Variants in KIF13A observed in about 807,000 individuals in gnomAD.
KIF13A encodes the protein kinesin-like protein KIF13A.
KIF13A carries 79 observed loss-of-function variants against 212.2 expected under a neutral mutation model. The ratio of observed to expected loss-of-function variants is 0.37; its 90% CI spans 0.31 to 0.45. KIF13A has a LOEUF of 0.45. Among genes scored for constraint, KIF13A ranks in the 20% least tolerant of loss-of-function variants. The probability of loss-of-function intolerance (pLI) is 1.00; values close to 1 mark genes in which losing one functional copy is unlikely to be tolerated. For synonymous variants in KIF13A, 789 were observed against 808.6 expected (o/e 0.98, Z 0.41); for missense variants, 1,901 against 2,209.0 (o/e 0.86, Z 2.79).
At chr6:17,976,432 G>A (rs577780497) in intron 2 of KIF13A, among the ~76,000 whole-genome samples, 1 of 152,360 alleles carries the variant, frequency 6.6e-6, no homozygotes, top group East Asian at 1.9e-4. Flanking sequence ...TGGCCCGGGT[G>A]CTAAGCCCTT....
At position 17,986,768 on chromosome 6, in the gene KIF13A, T is replaced by TG. The variant is rs1781592172; in HGVS notation, c.146+285dup. Among the ~76,000 whole-genome samples the TG allele has an allele frequency of 2.0e-5, 3 of 152,230 alleles. No homozygotes were observed. In the South Asian group the frequency reaches 6.2e-4, roughly 31 times the overall value. On this transcript the variant is annotated intron_variant, in intron 2 of 38. Transcript: ENST00000259711. ...ATGTGGCCGCTGGACGAATCACCTA[T>TG]GGGGTCCCATCCGGCCCTCTCCCTC...
intron 3 of KIF13A, among the ~76,000 whole-genome samples, chr6:17,873,891 C>T (rs563467275): frequency 1.1e-4 from 17 of 152,160 alleles, no homozygotes; most frequent in African/African-American, 3.1e-4. Flanking sequence ...CGCGCCTGGC[C>T]CTATGATATT....
intron 2 of KIF13A, among the ~76,000 whole-genome samples, chr6:17,965,128 C>A (rs1779186905): frequency 1.3e-5 from 2 of 152,162 alleles, no homozygotes; most frequent in Non-Finnish European, 2.9e-5. Context: ...TGCACCGGGC[C>A]AGGATTTTAA....
chr6:17,930,418 G>A (rs929365618), intron 2 of KIF13A, among the ~76,000 whole-genome samples: 2 of 152,054 alleles, frequency 1.3e-5, no homozygotes, highest in East Asian at 1.9e-4. Context: ...TTAAAATAAC[G>A]GATTCATGCA....
chr6:17,878,790 C>T (rs942283560), intron 3 of KIF13A, among the ~76,000 whole-genome samples: 3 of 152,114 alleles, frequency 2.0e-5, no homozygotes, highest in Non-Finnish European at 4.4e-5. Flanking sequence ...GGCACGAGAC[C>T]ATTTTCATTT....
rs756829082 is a variant in KIF13A at position 17,799,945 on chromosome 6, C to T, written c.2616+7G>A. ...TTTATATGAGCCTCCCATCACTGTCCTCTCACCCGACATGTCAGCTTTTTG... is the reference window on the plus strand; with the variant it reads ...TTTATATGAGCCTCCCATCACTGTCTTCTCACCCGACATGTCAGCTTTTTG... On this transcript the variant is annotated splice_region_variant and intron_variant, in intron 21 of 38. Transcript: ENST00000259711. This position sits in a 1 kb window ranked among gnomAD's most constrained non-coding sequence, Gnocchi z 4.4. The T allele has an allele frequency of 7.7e-5, 124 of 1,613,158 alleles. No homozygotes were observed. The highest frequency in any genetic ancestry group is 9.7e-5 in the Non-Finnish European group (114 of 1,179,508).
chr6:17,965,798 C>G (rs961186943), intron 2 of KIF13A, among the ~76,000 whole-genome samples: 1 of 152,198 alleles, frequency 6.6e-6, no homozygotes, highest in African/African-American at 2.4e-5. Context: ...TAACCACAAA[C>G]TCATCAAATT....
In KIF13A at chr6:17,895,157, C is replaced by T. The variant is rs1772448608; in HGVS notation, c.159+3011G>A. ...ATGCCACTTTCTATAGCTTCTAGTT[C>T]TCTCCAACATTTTTCAATCTTATGT... On this transcript the variant is annotated intron_variant, in intron 3 of 38. Coordinates refer to ENST00000259711, the MANE Select transcript of KIF13A (RefSeq NM_022113.6). This position sits in a 1 kb window ranked among gnomAD's most constrained non-coding sequence, Gnocchi z 4.4. Among the ~76,000 whole-genome samples, 1 of 152,154 alleles carries T rather than the reference C, an allele frequency of 6.6e-6. No homozygotes were observed. The highest frequency in any genetic ancestry group is 6.5e-5 in the Admixed American group (1 of 15,274).
chr6:17,945,422 T>G (rs925253337), intron 2 of KIF13A, among the ~76,000 whole-genome samples: 1 of 152,142 alleles, frequency 6.6e-6, no homozygotes, highest in Non-Finnish European at 1.5e-5. Context: ...TTTTTTGATC[T>G]AGGTCCGGAG....
At chr6:17,842,103 C>A (rs1425717272) in intron 9 of KIF13A, among the ~76,000 whole-genome samples, 2 of 151,658 alleles carry the variant, frequency 1.3e-5, no homozygotes, top group African/African-American at 4.9e-5. Flanking sequence ...GGCTGGAGAG[C>A]AGTGGTACAA....
In KIF13A at chr6:17,899,465, G is replaced by T. The variant is rs1014534; in HGVS notation, c.147-1285C>A. On this transcript the variant is annotated intron_variant, in intron 2 of 38. Transcript: ENST00000259711. This position sits in a 1 kb window ranked among gnomAD's most constrained non-coding sequence, Gnocchi z 5.2. ...ATGCTTTTTCTCCATCACTGGGTGC[G>T]ACACTCCTTACAGAGCTCTGAGGGA... Among the ~76,000 whole-genome samples the T allele has an allele frequency of 6.6e-6, 1 of 152,002 alleles. No individual in the cohort carries two copies. Among genetic ancestry groups the T allele is most frequent in the South Asian group, 2.1e-4 (1 of 4,828 alleles).
intron 25 of KIF13A, among the ~76,000 whole-genome samples, chr6:17,792,855 A>G (rs1405639314): frequency 6.6e-6 from 1 of 152,226 alleles, no homozygotes; most frequent in Admixed American, 6.5e-5. Context: ...CCAAAAGGAA[A>G]CTAAGATAGA....
Position 17,850,226 on chromosome 6 carries a change from T to C in KIF13A, c.717+97A>G, listed in dbSNP as rs1466073111. The stretch of plus-strand genomic sequence containing the variant: ...AGTAAGCAGAAGAGCCAACATACAA[T>C]TCTCAGCCACTGAACCCAACCATGA... On this transcript the variant is annotated intron_variant, in intron 8 of 38. Transcript: ENST00000259711. The surrounding 1 kb of genome is among the most constrained non-coding windows in gnomAD (Gnocchi z 6.2). 2 of 1,206,812 alleles carry C rather than the reference T, an allele frequency of 1.7e-6. No homozygotes were observed. Among genetic ancestry groups the C allele is most frequent in the Admixed American group, 2.6e-5 (1 of 39,174 alleles). The allele number at this position is 1,206,812 out of a possible 1,614,324, so 74.8% of individuals were successfully genotyped here. A position where few individuals can be genotyped will look rare whatever the true frequency, so the allele number is the denominator to read the frequency against.
At chr6:17,870,486 A>G (rs1378845909) in intron 4 of KIF13A, among the ~76,000 whole-genome samples, 1 of 152,144 alleles carries the variant, frequency 6.6e-6, no homozygotes, top group Admixed American at 6.6e-5. Flanking sequence ...ATCCAGGCAC[A>G]TGAGTGATAT....
chr6:17,901,854 G>A (rs940879067), intron 2 of KIF13A, among the ~76,000 whole-genome samples: 1 of 152,168 alleles, frequency 6.6e-6, no homozygotes, highest in African/African-American at 2.4e-5. Flanking sequence ...ATTATGGGCT[G>A]GGCATGGTGG....
At position 17,919,735 on chromosome 6, in the gene KIF13A, G is replaced by A. The variant is rs1180402411; in HGVS notation, c.147-21555C>T. ...GGTGGCAGCCGAACGGTGTCTCCTG[G>A]CAGCCCAATACTGTGACAAGAGGTG... is the stretch of plus-strand genomic sequence containing the variant. On this transcript the variant is annotated intron_variant, in intron 2 of 38. Transcript: ENST00000259711. This position sits in a 1 kb window ranked among gnomAD's most constrained non-coding sequence, Gnocchi z 4.1. Among the ~76,000 whole-genome samples the A allele has an allele frequency of 6.6e-6, 1 of 152,148 alleles. No individual in the cohort carries two copies. The highest frequency in any genetic ancestry group is 1.5e-5 in the Non-Finnish European group (1 of 68,044).
Position 17,968,215 on chromosome 6 carries a change from C to T in KIF13A, c.146+18839G>A, listed in dbSNP as rs967496369. Among the ~76,000 whole-genome samples the T allele has an allele frequency of 6.6e-6, 1 of 152,220 alleles. No homozygotes were observed. Among genetic ancestry groups the T allele is most frequent in the Non-Finnish European group, 1.5e-5 (1 of 68,042 alleles). On this transcript the variant is annotated intron_variant, in intron 2 of 38. Transcript: ENST00000259711. The surrounding 1 kb of genome is among the most constrained non-coding windows in gnomAD (Gnocchi z 4.7). ...AGAAGAACCCAGAGATCCCCGCTTA[C>T]TCACCAGGAGAAAGAAGAGTAAGCA... is the stretch of plus-strand genomic sequence containing the variant.
At chr6:17,975,269 T>G (rs906944757) in intron 2 of KIF13A, among the ~76,000 whole-genome samples, 3 of 152,132 alleles carry the variant, frequency 2.0e-5, no homozygotes, top group Non-Finnish European at 4.4e-5. Context: ...AGGAGAATTG[T>G]TTGAATCTGG....
chr6:17,979,344 G>C (rs1780858736), intron 2 of KIF13A, among the ~76,000 whole-genome samples: 2 of 152,124 alleles, frequency 1.3e-5, no homozygotes, highest in Non-Finnish European at 1.5e-5. Flanking sequence ...ATGAATGTGG[G>C]TAACTGAGTT....
Sources: gnomAD v4.1 joint callset for allele counts (sites outside exome capture counted in the v4.1 genomes callset) on GRCh38, gnomAD v4.1.1 for gene constraint, Gnocchi (gnomAD v3.1) non-coding constraint, MANE v1.5 for transcripts, NCBI Gene and HGNC (gene_info 2026-07-23, HGNC 2026-07-21) for gene names.